The following GRIN2B variants were observed in gnomAD, a reference collection of about 807,000 sequenced individuals.
GRIN2B encodes the protein glutamate receptor ionotropic, NMDA 2B.
Under a neutral mutation model 114.5 loss-of-function variants are expected in GRIN2B, and 5 were observed. The observed-to-expected ratio is 0.04, with a 90% CI of 0.02 to 0.09. The LOEUF is 0.09. Among genes scored for constraint, GRIN2B ranks in the 10% least tolerant of loss-of-function variants. The probability of loss-of-function intolerance (pLI) is 1.00; values close to 1 mark genes in which losing one functional copy is unlikely to be tolerated. For missense variants in GRIN2B, 1,108 were observed against 1,943.5 expected (o/e 0.57, Z 8.08); for synonymous variants, 787 against 745.1 (o/e 1.06, Z -0.92).
rs918059816 is a variant in GRIN2B, at chr12:13,622,752, G to C, written c.1126-6095C>G. ...AGAGTATGTGTGAGAGAGAGAGCAG[G>C]AGAGAGCCAAGCTCACTTTTATAAC... On this transcript the variant is annotated intron_variant, in intron 5 of 13. Transcript: ENST00000609686. Among the ~76,000 whole-genome samples, 3 of 152,226 alleles carry C rather than the reference G, an allele frequency of 2.0e-5. No individual in the cohort carries two copies. The East Asian group carries it at 5.8e-4, about 30-fold the overall frequency.
At chr12:13,704,597 C>A (rs1950342395) in intron 4 of GRIN2B, among the ~76,000 whole-genome samples, 1 of 152,066 alleles carries the variant, frequency 6.6e-6, no homozygotes, top group Admixed American at 6.6e-5. Flanking sequence ...AATCTAGTGC[C>A]CCCCAAATCC....
chr12:13,934,566 G>A (rs188370066), intron 2 of GRIN2B, among the ~76,000 whole-genome samples: 43 of 152,280 alleles, frequency 2.8e-4, no homozygotes, highest in African/African-American at 7.2e-4. Context: ...GTGCTTCTCC[G>A]TTAGCACGTC....
At chr12:13,930,954 A>C (rs1365382715) in intron 2 of GRIN2B, among the ~76,000 whole-genome samples, 4 of 152,212 alleles carry the variant, frequency 2.6e-5, no homozygotes, top group Admixed American at 2.6e-4. Context: ...TGATTGTCAA[A>C]AAAAAGCAAT....
intron 2 of GRIN2B, among the ~76,000 whole-genome samples, chr12:13,935,876 G>A (rs764803003): frequency 6.6e-5 from 10 of 152,124 alleles, no homozygotes; most frequent in South Asian, 2.1e-4. Context: ...GACAATAAGC[G>A]GCATAAGACT....
intron 2 of GRIN2B, among the ~76,000 whole-genome samples, chr12:13,903,893 T>C (rs747210158): frequency 3.9e-5 from 6 of 152,012 alleles, no homozygotes; most frequent in Non-Finnish European, 7.4e-5. Flanking sequence ...GTTCATATAA[T>C]CTAAGATGTT....
chr12:13,825,876 C>T (rs890488611), intron 3 of GRIN2B, among the ~76,000 whole-genome samples: 4 of 152,114 alleles, frequency 2.6e-5, no homozygotes, highest in Admixed American at 6.5e-5. Flanking sequence ...TCATAGATAG[C>T]ATATAGTTGG....
chr12:13,562,369 A>G lies in GRIN2B; in HGVS notation c.*414T>C. On this transcript the variant is annotated 3_prime_UTR_variant, in exon 14 of 14. Transcript: ENST00000609686. ...CTTTTGCTTCCTCACCTAAATGAAAAGATCAGTTTGGGAAAAGCTACCTTT... is the reference window on the plus strand; with the variant it reads ...CTTTTGCTTCCTCACCTAAATGAAAGGATCAGTTTGGGAAAAGCTACCTTT... 1 of 202,838 alleles carries G rather than the reference A, an allele frequency of 4.9e-6. No individual in the cohort carries two copies. Among genetic ancestry groups the G allele is most frequent in the Non-Finnish European group, 1.0e-5 (1 of 99,448 alleles). The allele number at this position is 202,838 out of a possible 1,614,324, so 12.6% of individuals were successfully genotyped here. A position where few individuals can be genotyped will look rare whatever the true frequency, so the allele number is the denominator to read the frequency against.
intron 5 of GRIN2B, among the ~76,000 whole-genome samples, chr12:13,620,231 A>C (rs142381373): frequency 6.6e-6 from 1 of 152,328 alleles, no homozygotes; most frequent in East Asian, 1.9e-4. Context: ...AGGCTAAATG[A>C]AAATGGCTTA....
chr12:13,938,892 A>T (rs1867180257), intron 2 of GRIN2B, among the ~76,000 whole-genome samples: 1 of 152,190 alleles, frequency 6.6e-6, no homozygotes, highest in Admixed American at 6.5e-5. Context: ...ATTTTACTTC[A>T]ATAAAGTTGA....
intron 4 of GRIN2B, among the ~76,000 whole-genome samples, chr12:13,743,468 C>A (rs1863319973): frequency 2.0e-5 from 3 of 152,138 alleles, no homozygotes; most frequent in Non-Finnish European, 4.4e-5. Flanking sequence ...CACACACACA[C>A]CTTGTCCTCT....
intron 4 of GRIN2B, among the ~76,000 whole-genome samples, chr12:13,737,561 C>T (rs1426507121): frequency 6.6e-6 from 1 of 152,106 alleles, no homozygotes; most frequent in Non-Finnish European, 1.5e-5. Context: ...GGCGAACAGG[C>T]ACTCTAGATT....
intron 4 of GRIN2B, among the ~76,000 whole-genome samples, chr12:13,723,183 A>G (rs2136595287): frequency 6.6e-6 from 1 of 152,016 alleles, no homozygotes. Flanking sequence ...ATACATGTAC[A>G]GAATGTGCAG....
At chr12:13,726,305 C>T (rs566073158) in intron 4 of GRIN2B, among the ~76,000 whole-genome samples, 5 of 151,786 alleles carry the variant, frequency 3.3e-5, no homozygotes, top group African/African-American at 1.2e-4. Flanking sequence ...GAGGCCAAGG[C>T]GGGCAGATCA....
intron 1 of GRIN2B, among the ~76,000 whole-genome samples, chr12:13,980,711 C>G (rs535354610): frequency 6.6e-6 from 1 of 152,320 alleles, no homozygotes; most frequent in Admixed American, 6.5e-5. Context: ...CGCAGAAACA[C>G]AATTCCCACT....
At chr12:13,646,346 C>T (rs1949761616) in intron 5 of GRIN2B, among the ~76,000 whole-genome samples, 1 of 152,110 alleles carries the variant, frequency 6.6e-6, no homozygotes, top group Non-Finnish European at 1.5e-5. Context: ...CTCCCATATA[C>T]AGGAATAAAG....
chr12:13,841,993 A>G (rs904019998), intron 3 of GRIN2B, among the ~76,000 whole-genome samples: 14 of 152,170 alleles, frequency 9.2e-5, no homozygotes, highest in African/African-American at 3.4e-4. Flanking sequence ...CTGCAAATTG[A>G]GAAATCAGAA....
chr12:13,538,228 C>T lies in GRIN2B; in HGVS notation c.*24555G>A, dbSNP rs2136374736. ...GGACACAACCGGGTGCTCCCTCAGCCTTTCATTAGACTGGTCTTACTGATA... is the reference window on the plus strand; with the variant it reads ...GGACACAACCGGGTGCTCCCTCAGCTTTTCATTAGACTGGTCTTACTGATA... On this transcript the variant is annotated 3_prime_UTR_variant, in exon 14 of 14. Coordinates refer to ENST00000609686, the MANE Select transcript of GRIN2B (RefSeq NM_000834.5). 6.6e-6 allele frequency: 1 copy of T among 152,310 alleles called. No homozygotes were observed. The highest frequency in any genetic ancestry group is 1.5e-5 in the Non-Finnish European group (1 of 68,054). 9.4% of individuals were successfully genotyped at this position (152,310 alleles called of 1,614,324 possible). A position where few individuals can be genotyped will look rare whatever the true frequency, so the allele number is the denominator to read the frequency against.
chr12:13,644,705 G>A (rs2136510661), intron 5 of GRIN2B, among the ~76,000 whole-genome samples: 1 of 152,266 alleles, frequency 6.6e-6, no homozygotes, highest in South Asian at 2.1e-4. Flanking sequence ...ATCTTAGCTA[G>A]ATCTTATGGA....
intron 5 of GRIN2B, among the ~76,000 whole-genome samples, chr12:13,627,955 T>C (rs1949585046): frequency 6.6e-6 from 1 of 152,220 alleles, no homozygotes; most frequent in Admixed American, 6.5e-5. Context: ...AAGGGTCCTT[T>C]AAGACTCCCC....
Sources: gnomAD v4.1 joint callset for allele counts (sites outside exome capture counted in the v4.1 genomes callset) on GRCh38, gnomAD v4.1.1 for gene constraint, MANE v1.5 for transcripts, NCBI Gene and HGNC (gene_info 2026-07-23, HGNC 2026-07-21) for gene names.